Variants in OR56A3 observed in about 807,000 individuals in gnomAD.
The protein encoded by OR56A3 is olfactory receptor family 56 subfamily A member 3.
Under a neutral mutation model 17.5 loss-of-function variants are expected in OR56A3, and 23 were observed. That is an observed-to-expected ratio of 1.32 (90% CI 0.95 to 1.87). OR56A3 has a LOEUF of 1.87. OR56A3 is among the 40% of genes most tolerant of loss of function. The pLI, the probability that OR56A3 is intolerant of heterozygous loss-of-function variation, is 0.00. For missense variants in OR56A3, 366 were observed against 380.1 expected (o/e 0.96, Z 0.31); for synonymous variants, 175 against 150.6 (o/e 1.16, Z -1.19).
At chr11:5,956,360 C>G in the OR56A3 span, among the ~76,000 whole-genome samples, 1 of 152,048 alleles carries the variant, frequency 6.6e-6, no homozygotes, top group Non-Finnish European at 1.5e-5. Flanking sequence ...TGAGTACTGG[C>G]AGTCTCCTCT....
chr11:5,952,446 A>G (rs1340258050), downstream of OR56A3, among the ~76,000 whole-genome samples: 1 of 152,202 alleles, frequency 6.6e-6, no homozygotes, highest in Non-Finnish European at 1.5e-5. Flanking sequence ...ATTCTAGTAG[A>G]AATTATGATT....
At position 5,950,157 on chromosome 11, in the gene OR56A3, T is replaced by C. The variant is rs1847899386; in HGVS notation, c.*1863T>C. On this transcript the variant is annotated 3_prime_UTR_variant, in exon 3 of 3. Transcript: ENST00000641160. ...ATCTGAAAGTTTTAACAATATGCTA[T>C]ATTAACATATACTTATCAAAACACC... 6.6e-6 allele frequency: 1 copy of C among 152,208 alleles called. No homozygotes were observed. Among genetic ancestry groups the C allele is most frequent in the Non-Finnish European group, 1.5e-5 (1 of 68,020 alleles). The allele number at this position is 152,208 out of a possible 1,614,324, so 9.4% of individuals were successfully genotyped here. A position where few individuals can be genotyped will look rare whatever the true frequency, so the allele number is the denominator to read the frequency against.
At chr11:5,981,854 C>A in the OR56A3 span, among the ~76,000 whole-genome samples, 1 of 152,116 alleles carries the variant, frequency 6.6e-6, no homozygotes, top group African/African-American at 2.4e-5. Context: ...TTCTTTGGCG[C>A]CCTTAAGGGT....
At chr11:6,005,488 T>C in the OR56A3 span, among the ~76,000 whole-genome samples, 3 of 152,184 alleles carry the variant, frequency 2.0e-5, no homozygotes, top group African/African-American at 7.2e-5. Context: ...TAGAAGTCTG[T>C]CTGATGGTAG....
chr11:5,995,811 G>A, the OR56A3 span, among the ~76,000 whole-genome samples: 6 of 151,986 alleles, frequency 3.9e-5, no homozygotes, highest in Admixed American at 1.3e-4. Context: ...TAGTCACCAC[G>A]CTGTGCAATA....
the OR56A3 span, among the ~76,000 whole-genome samples, chr11:6,018,414 A>G: frequency 6.6e-6 from 1 of 152,152 alleles, no homozygotes; most frequent in African/African-American, 2.4e-5. Flanking sequence ...AACTGTACAA[A>G]TAAATGGAAA....
chr11:5,964,633 G>C, the OR56A3 span, among the ~76,000 whole-genome samples: 1 of 152,178 alleles, frequency 6.6e-6, no homozygotes, highest in African/African-American at 2.4e-5. Flanking sequence ...TGTAGTTATG[G>C]GTTATTTGGA....
At chr11:5,988,400 CA>C in the OR56A3 span, among the ~76,000 whole-genome samples, 1 of 152,122 alleles carries the variant, frequency 6.6e-6, no homozygotes, top group East Asian at 1.9e-4. Context: ...TAAATAAAAG[CA>C]ATGGAGGAAG....
the OR56A3 span, among the ~76,000 whole-genome samples, chr11:6,010,618 A>G: frequency 6.6e-6 from 1 of 152,206 alleles, no homozygotes; most frequent in African/African-American, 2.4e-5. Flanking sequence ...CCTACCCATC[A>G]GAAGTGTGAG....
chr11:6,002,407 T>A, the OR56A3 span: 2 of 1,614,216 alleles, frequency 1.2e-6, no homozygotes, highest in Admixed American at 3.3e-5. Context: ...TGATTGAAAG[T>A]GATGTCATCA....
Position 5,947,571 on chromosome 11 carries a change from C to T in OR56A3, c.225C>T (p.Ile75=), listed in dbSNP as rs200944882. 9.3e-6 allele frequency: 15 copies of T among 1,614,212 alleles called. No individual in the cohort carries two copies. In the East Asian group the frequency reaches 1.6e-4, roughly 17 times the overall value. ...YLLSLLSLLD[I]VLCLTVIPKV... is the part of the protein sequence containing the mutation. ...TCAGCCTCCTCTCCCTGCTGGACAT[C>T]GTGCTCTGCCTCACTGTCATCCCCA... The change falls in exon 3 of 3, where the codon ATC becomes ATT. Residue 75 remains isoleucine (I), a synonymous_variant. Transcript: ENST00000641160.
chr11:6,001,247 G>C, the OR56A3 span: 1 of 152,156 alleles, frequency 6.6e-6, no homozygotes, highest in Non-Finnish European at 1.5e-5. Flanking sequence ...CCTAGGATGG[G>C]GACTTCAAGG....
chr11:6,009,646 C>T, the OR56A3 span, among the ~76,000 whole-genome samples: 1 of 152,138 alleles, frequency 6.6e-6, no homozygotes, highest in Non-Finnish European at 1.5e-5. Flanking sequence ...CAAATTGCCG[C>T]TCCTCTATAG....
At chr11:6,004,421 T>G in the OR56A3 span, among the ~76,000 whole-genome samples, 7 of 152,188 alleles carry the variant, frequency 4.6e-5, no homozygotes, top group African/African-American at 1.7e-4. Flanking sequence ...GACTGATCTT[T>G]CACCCCTGTC....
chr11:6,013,568 G>T, the OR56A3 span, among the ~76,000 whole-genome samples: 2 of 152,142 alleles, frequency 1.3e-5, no homozygotes, highest in African/African-American at 2.4e-5. Flanking sequence ...ATGGCACCCT[G>T]AGTTTTGCTT....
chr11:5,985,830 G>A, the OR56A3 span: 1 of 991,848 alleles, frequency 1.0e-6, no homozygotes, highest in East Asian at 2.6e-5. Context: ...AAGACTAGAA[G>A]GAATACTCAC....
Position 5,950,138 on chromosome 11 carries a change from A to T in OR56A3, c.*1844A>T, listed in dbSNP as rs992271080. Reference sequence around the variant, plus strand: ...CTCTTAGGAAATATTAAAAATCTGAAAGTTTTAACAATATGCTATATTAAC... The same window carrying T: ...CTCTTAGGAAATATTAAAAATCTGATAGTTTTAACAATATGCTATATTAAC... On this transcript the variant is annotated 3_prime_UTR_variant, in exon 3 of 3. Coordinates refer to ENST00000641160, the MANE Select transcript of OR56A3 (RefSeq NM_001003443.3). 1 of 152,202 alleles carries T rather than the reference A, an allele frequency of 6.6e-6. No homozygotes were observed. Among genetic ancestry groups the T allele is most frequent in the Admixed American group, 6.5e-5 (1 of 15,284 alleles). 9.4% of individuals were successfully genotyped at this position (152,202 alleles called of 1,614,324 possible).
At chr11:6,018,365 T>C in the OR56A3 span, among the ~76,000 whole-genome samples, 4 of 152,084 alleles carry the variant, frequency 2.6e-5, no homozygotes, top group African/African-American at 9.7e-5. Context: ...ATTTTTTAAA[T>C]CTTCTCAGAT....
At chr11:6,013,290 G>C in the OR56A3 span, among the ~76,000 whole-genome samples, 1 of 152,204 alleles carries the variant, frequency 6.6e-6, no homozygotes, top group Non-Finnish European at 1.5e-5. Context: ...TTGGAGGCAG[G>C]GGTGACATCT....
Sources: allele counts gnomAD v4.1 joint callset (sites outside exome capture counted in the v4.1 genomes callset), GRCh38; gene constraint gnomAD v4.1.1; transcripts MANE v1.5; gene names NCBI Gene and HGNC (gene_info 2026-07-23, HGNC 2026-07-21).